ATP1B4: variants seen among roughly 807,000 people sequenced by gnomAD.
The protein encoded by ATP1B4 is protein ATP1B4.
Under a neutral mutation model 29.6 loss-of-function variants are expected in ATP1B4, and 32 were observed. That is an observed-to-expected ratio of 1.08 (90% CI 0.82 to 1.45). The LOEUF (loss-of-function observed/expected upper bound fraction) is 1.45, where lower values mean the gene tolerates loss of function less well. Ranked by LOEUF, ATP1B4 falls within the 40% of genes most tolerant of loss-of-function variation. ATP1B4 has a pLI of 0.00. For synonymous variants in ATP1B4, 127 were observed against 102.1 expected (o/e 1.24, Z -1.47); for missense variants, 323 against 276.2 (o/e 1.17, Z -1.20).
intron 2 of ATP1B4, among the ~76,000 whole-genome samples, chrX:120,367,575 A>C (rs1184709957): frequency 9.0e-6 from 1 of 111,459 alleles, no homozygotes. Context: ...TAAAATTCAC[A>C]CTTGCCACAG....
chrX:120,375,650 C>A (rs1250176907), intron 5 of ATP1B4, 82 bp downstream of exon 5: 1 of 843,105 alleles, frequency 1.2e-6, no homozygotes, highest in African/African-American at 2.0e-5. Flanking sequence ...GTCTTGGTCT[C>A]TGTCTTCACA....
In ATP1B4 at chrX:120,366,631, A is replaced by G; in HGVS notation, c.170A>G (p.Glu57Gly). 8.3e-7 allele frequency: 1 copy of G among 1,206,532 alleles called. No individual in the cohort carries two copies. Among genetic ancestry groups the G allele is most frequent in the Non-Finnish European group, 1.1e-6 (1 of 891,196 alleles). The change falls in exon 2 of 8, where the codon GAG (glutamate) becomes GGG (glycine). Residue 57 changes from glutamate to glycine, a missense_variant. Glu to Gly is a moderately conservative substitution (Grantham distance 98, BLOSUM62 -2). Coordinates refer to ENST00000218008, the MANE Select transcript of ATP1B4 (RefSeq NM_001142447.3). ...CCCAAATCGGAGGAGGAGGAAGAAG[A>G]GGAGGAGAAAGAAGAGGAGGAAGAG... ...VVPKSEEEEE[E>G]EEKEEEEEEE...
rs1326971972 is a variant in ATP1B4, at chrX:120,382,805, A to G, written c.*3171A>G. 3 of 112,338 alleles carry G rather than the reference A, an allele frequency of 2.7e-5. No individual in the cohort carries two copies. The highest frequency in any genetic ancestry group is 5.6e-5 in the Non-Finnish European group (3 of 53,217). The allele number at this position is 112,338 out of a possible 1,213,427, so 9.3% of individuals were successfully genotyped here. A position where few individuals can be genotyped will look rare whatever the true frequency, so the allele number is the denominator to read the frequency against. ...TTCAATGGAATCCATTGTGTCCACA[A>G]TTGCAAAGCAATATTGAAGGGTACT... On this transcript the variant is annotated 3_prime_UTR_variant, in exon 8 of 8. Transcript: ENST00000218008.
Position 120,382,475 on chromosome X carries a change from T to C in ATP1B4, c.*2841T>C, listed in dbSNP as rs1042064676. 8.9e-6 allele frequency: 1 copy of C among 112,031 alleles called. No individual in the cohort carries two copies. Among genetic ancestry groups the C allele is most frequent in the Non-Finnish European group, 1.9e-5 (1 of 53,155 alleles). 9.2% of individuals were successfully genotyped at this position (112,031 alleles called of 1,213,427 possible). A position where few individuals can be genotyped will look rare whatever the true frequency, so the allele number is the denominator to read the frequency against. Reference sequence around the variant, plus strand: ...CTCAAGATTCAGTAGTAAAAGATAATAGAATGTTAGATCTGGAAAGGATAT... The same window carrying C: ...CTCAAGATTCAGTAGTAAAAGATAACAGAATGTTAGATCTGGAAAGGATAT... On this transcript the variant is annotated 3_prime_UTR_variant, in exon 8 of 8. Transcript: ENST00000218008.
At chrX:120,367,638 C>T (rs1377289701) in intron 2 of ATP1B4, among the ~76,000 whole-genome samples, 1 of 111,051 alleles carries the variant, frequency 9.0e-6, no homozygotes, top group Non-Finnish European at 1.9e-5. Context: ...TCAGTCAATC[C>T]ACAGAAGAAA....
intron 1 of ATP1B4, among the ~76,000 whole-genome samples, chrX:120,363,706 C>T (rs2058273295): frequency 9.0e-6 from 1 of 111,684 alleles, no homozygotes; most frequent in Non-Finnish European, 1.9e-5. Flanking sequence ...GTTCTTCAGA[C>T]TCTTCCCTTT....
At chrX:120,373,047 G>A (rs1161517653) in intron 4 of ATP1B4, among the ~76,000 whole-genome samples, 2 of 112,247 alleles carry the variant, frequency 1.8e-5, no homozygotes, top group Middle Eastern at 4.2e-3. Context: ...GATGATGGAA[G>A]CAGGAAATGC....
chrX:120,375,887 G>C (rs889050433), intron 5 of ATP1B4, among the ~76,000 whole-genome samples: 1 of 110,680 alleles, frequency 9.0e-6, no homozygotes, highest in Non-Finnish European at 1.9e-5. Flanking sequence ...AGGGTTGCTT[G>C]AGCTTAGGAG....
intron 4 of ATP1B4, among the ~76,000 whole-genome samples, chrX:120,372,321 G>A (rs751082279): frequency 2.7e-5 from 3 of 111,823 alleles, no homozygotes; most frequent in African/African-American, 6.5e-5. Context: ...TTCTAGAGGC[G>A]GCTACTATTA....
rs747533558 is a variant in ATP1B4 at position 120,362,587 on chromosome X, A to G, written c.63+356A>G. ...ATAGCAAGAAATTTAGCCAAGAGGGAAGGAAGGAGGAAGAGGAAATGAAAG... is the reference window on the plus strand; with the variant it reads ...ATAGCAAGAAATTTAGCCAAGAGGGGAGGAAGGAGGAAGAGGAAATGAAAG... On this transcript the variant is annotated intron_variant, in intron 1 of 7. Coordinates refer to ENST00000218008, the MANE Select transcript of ATP1B4 (RefSeq NM_001142447.3). 9.5e-4 allele frequency among the ~76,000 whole-genome samples: 107 copies of G among 112,084 alleles called. 1 individual carries two copies. Among genetic ancestry groups the G allele is most frequent in the African/African-American group, 3.2e-3 (100 of 30,859 alleles).
chrX:120,376,117 G>C (rs940548896), intron 5 of ATP1B4, among the ~76,000 whole-genome samples: 1 of 110,970 alleles, frequency 9.0e-6, no homozygotes, highest in African/African-American at 3.3e-5. Context: ...AAATTAGAAA[G>C]TTCTTTACAT....
intron 4 of ATP1B4, among the ~76,000 whole-genome samples, chrX:120,374,770 ATATAATATATATATATTATATACCCT>A (rs1569355261): frequency 0.61 from 6,069 of 9,896 alleles, 1,637 homozygotes; most frequent in Non-Finnish European, 0.67. Context: ...TATTATATAT[ATATAATATATATATATTATATACCCT>A]TATATATATT....
Position 120,381,963 on chromosome X carries a change from A to T in ATP1B4, c.*2329A>T, listed in dbSNP as rs1263469453. The T allele has an allele frequency of 8.9e-6, 1 of 111,971 alleles. No homozygotes were observed. Among genetic ancestry groups the T allele is most frequent in the East Asian group, 2.8e-4 (1 of 3,596 alleles). 9.2% of individuals were successfully genotyped at this position (111,971 alleles called of 1,213,427 possible). A position where few individuals can be genotyped will look rare whatever the true frequency, so the allele number is the denominator to read the frequency against. ...GAGATCAATTTTGAACATTTTAGACATGATTTTCTATTGGTCAGACATTGA... is the reference window on the plus strand; with the variant it reads ...GAGATCAATTTTGAACATTTTAGACTTGATTTTCTATTGGTCAGACATTGA... On this transcript the variant is annotated 3_prime_UTR_variant, in exon 8 of 8. Coordinates refer to ENST00000218008, the MANE Select transcript of ATP1B4 (RefSeq NM_001142447.3).
At chrX:120,378,328 T>C (rs1414975513) in intron 6 of ATP1B4, among the ~76,000 whole-genome samples, 1 of 111,232 alleles carries the variant, frequency 9.0e-6, no homozygotes, top group Non-Finnish European at 1.9e-5. Flanking sequence ...AAGGCTGGAG[T>C]TGTAGGTCCT....
intron 4 of ATP1B4, among the ~76,000 whole-genome samples, chrX:120,374,845 G>GTATATAGATTATATTATATATAAGGGTA (rs2058342977): frequency 2.0e-5 from 1 of 50,062 alleles, no homozygotes; most frequent in Non-Finnish European, 3.7e-5. Context: ...ATATATAAGG[G>GTATATAGATTATATTATATATAAGGGTA]TATATATATA....
intron 2 of ATP1B4, among the ~76,000 whole-genome samples, 182 bp from the exon 3 acceptor site, chrX:120,370,533 C>A (rs954728812): frequency 8.9e-6 from 1 of 112,014 alleles, no homozygotes; most frequent in Non-Finnish European, 1.9e-5. Flanking sequence ...TGCAATTAGA[C>A]CCCTGACACA....
At position 120,378,080 on chromosome X, in the gene ATP1B4, C is replaced by T. The variant is rs139804985; in HGVS notation, c.817-598C>T. On this transcript the variant is annotated intron_variant, in intron 6 of 7. Transcript: ENST00000218008. ...GGCTCTTGTTGCTTACCCCTCTGAC[C>T]CCACCTACTGTAATTAAGCACTACA... is the stretch of plus-strand genomic sequence containing the variant. Among the ~76,000 whole-genome samples, 415 of 110,695 alleles carry T rather than the reference C, an allele frequency of 3.7e-3. 1 individual carries two copies. Among genetic ancestry groups the T allele is most frequent in the African/African-American group, 0.013 (392 of 30,445 alleles).
chrX:120,376,649 G>A (rs2058358006), intron 6 of ATP1B4, among the ~76,000 whole-genome samples: 1 of 112,056 alleles, frequency 8.9e-6, no homozygotes, highest in African/African-American at 3.2e-5. Context: ...GTGTGTATGT[G>A]TGTGTGTCAG....
chrX:120,373,759 G>T (rs2058325784), intron 4 of ATP1B4, among the ~76,000 whole-genome samples: 2 of 111,979 alleles, frequency 1.8e-5, no homozygotes, highest in African/African-American at 6.5e-5. Flanking sequence ...TCAGGCCTCA[G>T]TTGACAAGAT....
Sources: gnomAD v4.1 joint callset for allele counts (sites outside exome capture counted in the v4.1 genomes callset) on GRCh38, gnomAD v4.1.1 for gene constraint, MANE v1.5 for transcripts, NCBI Gene and HGNC (gene_info 2026-07-23, HGNC 2026-07-21) for gene names.